Variants in TOX3 observed in about 807,000 individuals in gnomAD.
TOX3 encodes TOX high mobility group box family member 3, also known as CAG trinucleotide repeat-containing gene F9 protein.
TOX3 carries 22 observed loss-of-function variants against 64.3 expected under a neutral mutation model. The ratio of observed to expected loss-of-function variants is 0.34; its 90% CI spans 0.24 to 0.49. TOX3 has a LOEUF of 0.49. Ranked by LOEUF, TOX3 falls within the 20% of genes least tolerant of loss-of-function variation. TOX3 has a pLI of 0.99. For missense variants in TOX3, 661 were observed against 714.4 expected (o/e 0.93, Z 0.85); for synonymous variants, 291 against 273.6 (o/e 1.06, Z -0.63).
At chr16:52,545,534 T>C (rs1254741583) in intron 1 of TOX3, among the ~76,000 whole-genome samples, 1 of 152,244 alleles carries the variant, frequency 6.6e-6, no homozygotes, top group African/African-American at 2.4e-5. Context: ...TAGTTTTGTT[T>C]AGCACCTTTC....
chr16:52,457,357 T>A (rs1196044702), intron 3 of TOX3, among the ~76,000 whole-genome samples: 1 of 152,210 alleles, frequency 6.6e-6, no homozygotes, highest in African/African-American at 2.4e-5. Context: ...AAAATTTTTT[T>A]AAATTCTAAT....
intron 1 of TOX3, among the ~76,000 whole-genome samples, chr16:52,482,412 C>T (rs915347909): frequency 1.3e-5 from 2 of 151,958 alleles, no homozygotes; most frequent in African/African-American, 2.4e-5. Flanking sequence ...CTCACTTCAG[C>T]AAAAATCAAA....
intron 6 of TOX3, among the ~76,000 whole-genome samples, chr16:52,443,700 G>C (rs1960073301): frequency 1.3e-5 from 2 of 152,168 alleles, no homozygotes; most frequent in Non-Finnish European, 2.9e-5. Flanking sequence ...TCATTTGCTA[G>C]AGTGACATTT....
At chr16:52,519,648 T>G in intron 1 of TOX3, 2 of 1,357,876 alleles carry the variant, frequency 1.5e-6, no homozygotes, top group Non-Finnish European at 9.6e-7. Flanking sequence ...AAGACATCAC[T>G]TCTTACCAAG....
intron 1 of TOX3, among the ~76,000 whole-genome samples, chr16:52,535,955 C>T (rs1962936426): frequency 6.6e-6 from 1 of 152,220 alleles, no homozygotes. Context: ...GACTTCACTG[C>T]TGCATTCCTA....
intron 1 of TOX3, among the ~76,000 whole-genome samples, chr16:52,530,898 G>A (rs1329216245): frequency 6.6e-6 from 1 of 152,092 alleles, no homozygotes; most frequent in South Asian, 2.1e-4. Flanking sequence ...GAAAAACATG[G>A]AGGAAGGAAA....
At chr16:52,459,089 G>A (rs1355989731) in intron 3 of TOX3, among the ~76,000 whole-genome samples, 1 of 152,136 alleles carries the variant, frequency 6.6e-6, no homozygotes, top group African/African-American at 2.4e-5. Context: ...CAAGACAGGA[G>A]AACAGCTGGA....
At chr16:52,533,944 GAAGA>G (rs1962899454) in intron 1 of TOX3, among the ~76,000 whole-genome samples, 1 of 152,134 alleles carries the variant, frequency 6.6e-6, no homozygotes, top group Non-Finnish European at 1.5e-5. Context: ...TCTGGGCCTG[GAAGA>G]AAGAAAGATC....
intron 1 of TOX3, among the ~76,000 whole-genome samples, chr16:52,473,838 G>C (rs1369633708): frequency 6.6e-6 from 1 of 151,884 alleles, no homozygotes; most frequent in East Asian, 1.9e-4. Context: ...CAGGCTATGA[G>C]GTATAATATA....
In TOX3 at chr16:52,527,254, C is replaced by A. The variant is rs550902011; in HGVS notation, c.87+19383G>T. ...ACACAAAATAATGAGCCAGAGTGTG[C>A]TCCCACAATATTAGGAGAAATGGAA... On this transcript the variant is annotated intron_variant, in intron 1 of 6. Transcript: ENST00000219746. Among the ~76,000 whole-genome samples, 7 of 152,288 alleles carry A rather than the reference C, an allele frequency of 4.6e-5. 1 individual carries two copies. In the East Asian group the frequency reaches 7.7e-4, roughly 17 times the overall value.
chr16:52,502,631 C>T (rs1962033935), intron 1 of TOX3, among the ~76,000 whole-genome samples: 1 of 152,242 alleles, frequency 6.6e-6, no homozygotes, highest in South Asian at 2.1e-4. Context: ...CCAGAAAGTT[C>T]TCTGAAATAC....
intron 1 of TOX3, among the ~76,000 whole-genome samples, chr16:52,508,034 T>C (rs1424727709): frequency 1.3e-5 from 2 of 152,194 alleles, no homozygotes; most frequent in African/African-American, 4.8e-5. Context: ...TGATCCAAAA[T>C]ATCGAGCAGT....
intron 5 of TOX3, 120 bp from the exon 6 acceptor site, chr16:52,444,476 T>C: frequency 1.4e-6 from 1 of 705,576 alleles, no homozygotes; most frequent in Non-Finnish European, 2.3e-6. Flanking sequence ...CTCCTTGGCT[T>C]TGATTTTTAA....
chr16:52,519,119 A>G (rs139325969), intron 1 of TOX3, among the ~76,000 whole-genome samples: 1 of 152,226 alleles, frequency 6.6e-6, no homozygotes, highest in Admixed American at 6.5e-5. Flanking sequence ...AGGCATGTAG[A>G]ACCAACCTGT....
At chr16:52,504,398 C>T (rs988486870) in intron 1 of TOX3, among the ~76,000 whole-genome samples, 2 of 142,276 alleles carry the variant, frequency 1.4e-5, no homozygotes, top group Non-Finnish European at 3.0e-5. Context: ...ACCCAGGAGG[C>T]GGAGCTTGCA....
chr16:52,496,156 T>C (rs1961844816), intron 1 of TOX3, among the ~76,000 whole-genome samples: 1 of 152,202 alleles, frequency 6.6e-6, no homozygotes. Flanking sequence ...TCAAGCAGAT[T>C]ATCCTTTATG....
chr16:52,504,481 AAAAG>A (rs1962103920), intron 1 of TOX3, among the ~76,000 whole-genome samples: 1 of 151,884 alleles, frequency 6.6e-6, no homozygotes, highest in Non-Finnish European at 1.5e-5. Flanking sequence ...AAAAAAAAAA[AAAAG>A]AAGTTCACAC....
At chr16:52,496,749 A>C (rs968691233) in intron 1 of TOX3, among the ~76,000 whole-genome samples, 2 of 152,248 alleles carry the variant, frequency 1.3e-5, no homozygotes, top group African/African-American at 2.4e-5. Flanking sequence ...TTAATCTTTT[A>C]AATAAACATG....
chr16:52,500,913 G>T (rs1453920525), intron 1 of TOX3, among the ~76,000 whole-genome samples: 1 of 152,176 alleles, frequency 6.6e-6, no homozygotes, highest in African/African-American at 2.4e-5. Flanking sequence ...ACACAAGAAA[G>T]TCTGGACTTG....
Sources: gnomAD v4.1 joint callset for allele counts (sites outside exome capture counted in the v4.1 genomes callset) on GRCh38, gnomAD v4.1.1 for gene constraint, MANE v1.5 for transcripts, NCBI Gene and HGNC (gene_info 2026-07-23, HGNC 2026-07-21) for gene names.